Variants in TIPIN observed in about 807,000 individuals in gnomAD.
TIPIN encodes the protein TIMELESS interacting protein, also known as TIMELESS-interacting protein.
TIPIN carries 29 observed loss-of-function variants against 35.6 expected under a neutral mutation model. The ratio of observed to expected loss-of-function variants is 0.82; its 90% CI spans 0.61 to 1.11. The LOEUF is 1.11. TIPIN is among the 50% of genes most tolerant of loss of function. The probability of loss-of-function intolerance (pLI) is 0.00; values close to 1 mark genes in which losing one functional copy is unlikely to be tolerated. For synonymous variants in TIPIN, 102 were observed against 121.5 expected (o/e 0.84, Z 1.06); for missense variants, 296 against 345.4 (o/e 0.86, Z 1.13).
At chr15:66,371,520 T>A in intron 1 of TIPIN, 1 of 391,858 alleles carries the variant, frequency 2.6e-6, no homozygotes, top group Non-Finnish European at 3.4e-6. Flanking sequence ...AATTGTTTCT[T>A]TTTTTTTTTT....
intron 1 of TIPIN, chr15:66,379,393 A>G (rs1185039139): frequency 6.2e-7 from 1 of 1,600,318 alleles, no homozygotes; most frequent in Non-Finnish European, 8.5e-7. Context: ...CCATTCAAAA[A>G]TTTCCTGATA....
rs1253646242 is a variant in TIPIN at position 66,380,036 on chromosome 15, C to T, written c.-9+6571G>A. 3 of 463,020 alleles carry T rather than the reference C, an allele frequency of 6.5e-6. No homozygotes were observed. In the African/African-American group the frequency reaches 6.7e-5, roughly 10 times the overall value. The allele number at this position is 463,020 out of a possible 1,614,324, so 28.7% of individuals were successfully genotyped here. ...TTTTTTTTTGAGACGGAGTCTCGCTCTGTCACCCAGGCTGGAGTGCAGTGG... is the reference window on the plus strand; with the variant it reads ...TTTTTTTTTGAGACGGAGTCTCGCTTTGTCACCCAGGCTGGAGTGCAGTGG... On this transcript the variant is annotated intron_variant, in intron 1 of 7. Transcript: ENST00000562124.
At chr15:66,366,639 C>T (rs4473127) in intron 1 of TIPIN, among the ~76,000 whole-genome samples, 73,456 of 145,010 alleles carry the variant, frequency 0.51, 19,668 homozygotes, top group South Asian at 0.65. Context: ...TGGTGGCTTG[C>T]GCCTGTAGTC....
upstream of TIPIN, among the ~76,000 whole-genome samples, chr15:66,359,659 A>G (rs2093222952): frequency 6.6e-6 from 1 of 152,160 alleles, no homozygotes; most frequent in Non-Finnish European, 1.5e-5. Flanking sequence ...TAAAAGTTAC[A>G]TGAATTTGAA....
intron 1 of TIPIN, among the ~76,000 whole-genome samples, chr15:66,375,742 C>T (rs1021590442): frequency 2.7e-5 from 4 of 148,080 alleles, no homozygotes; most frequent in East Asian, 2.0e-4. Flanking sequence ...AGTTCCTCCC[C>T]GGAGACAAAC....
intron 1 of TIPIN, among the ~76,000 whole-genome samples, chr15:66,362,546 C>T (rs1282204880): frequency 6.6e-6 from 1 of 151,840 alleles, no homozygotes; most frequent in Non-Finnish European, 1.5e-5. Context: ...CATGGGGAAA[C>T]CCCATCTCGA....
intron 1 of TIPIN, among the ~76,000 whole-genome samples, chr15:66,368,000 A>AT (rs777984342): frequency 4.4e-4 from 66 of 151,104 alleles, no homozygotes; most frequent in Non-Finnish European, 8.7e-4. Context: ...TGGCTGACTA[A>AT]TTTTTGTATT....
At position 66,349,380 on chromosome 15, in the gene TIPIN, G is replaced by A; in HGVS notation, c.346C>T (p.Pro116Ser). 2 of 1,613,970 alleles carry A rather than the reference G, an allele frequency of 1.2e-6. No homozygotes were observed. The highest frequency in any genetic ancestry group is 1.7e-6 in the Non-Finnish European group (2 of 1,180,006). Residue 116 changes from proline to serine, a missense_variant, in exon 5 of 8, where the codon CCT becomes TCT. By Grantham distance (74) the Pro-to-Ser change is moderately conservative. Transcript: ENST00000261881. ...ATAAAATCCTCAAACTGCAGTTTAG[G>A]GAATAGCCTATGTGCCCAGTGCTCC... Reference protein sequence around the residue: ...HMEHWAHRLFPKLQFEDFIDR... With the variant: ...HMEHWAHRLFSKLQFEDFIDR...
intron 1 of TIPIN, among the ~76,000 whole-genome samples, chr15:66,373,538 A>T (rs1484109755): frequency 1.3e-5 from 2 of 152,004 alleles, no homozygotes; most frequent in African/African-American, 4.8e-5. Flanking sequence ...ATATACAGTC[A>T]TGTATATTTT....
At chr15:66,363,069 G>C (rs181018307) in intron 1 of TIPIN, among the ~76,000 whole-genome samples, 239 of 152,320 alleles carry the variant, frequency 1.6e-3, no homozygotes, top group Non-Finnish European at 2.8e-3. Context: ...GCAAATGATG[G>C]GGGGAAGATC....
intron 6 of TIPIN, chr15:66,347,182 TTAAAAG>T (rs774854780): frequency 1.0e-5 from 5 of 495,520 alleles, no homozygotes; most frequent in Admixed American, 6.3e-5. Context: ...TCCACATCTG[TTAAAAG>T]TTAAAAAACA....
intron 7 of TIPIN, among the ~76,000 whole-genome samples, 165 bp from the exon 8 acceptor site, chr15:66,337,346 G>A (rs1332691534): frequency 7.0e-6 from 1 of 143,282 alleles, no homozygotes; most frequent in Admixed American, 7.0e-5. Context: ...TTTTTTTTGA[G>A]ATGGAGTCTC....
intron 1 of TIPIN, among the ~76,000 whole-genome samples, chr15:66,381,691 A>G (rs975850750): frequency 1.3e-5 from 2 of 152,064 alleles, no homozygotes; most frequent in Admixed American, 1.3e-4. Context: ...TTACAAGAGA[A>G]TCATGGAAGT....
intron 1 of TIPIN, among the ~76,000 whole-genome samples, chr15:66,385,624 G>A (rs543575754): frequency 2.6e-4 from 39 of 152,046 alleles, no homozygotes; most frequent in Middle Eastern, 6.8e-3. Context: ...AAGTAGTTGG[G>A]ATTACAGGCA....
upstream of TIPIN, among the ~76,000 whole-genome samples, chr15:66,359,503 C>G (rs1264557894): frequency 6.6e-6 from 1 of 151,918 alleles, no homozygotes; most frequent in Non-Finnish European, 1.5e-5. Context: ...CACCACCATT[C>G]CCGGCTAATT....
At chr15:66,349,202 C>G (rs1566975156) in intron 5 of TIPIN, 79 bp from the exon 6 acceptor site, 10 of 1,597,444 alleles carry the variant, frequency 6.3e-6, no homozygotes, top group Non-Finnish European at 7.7e-6. Context: ...TTACTTTTCC[C>G]TCTCTACCAA....
intron 1 of TIPIN, chr15:66,383,092 A>G: frequency 1.7e-6 from 1 of 597,302 alleles, no homozygotes; most frequent in Non-Finnish European, 2.1e-6. Context: ...GCATAGAATC[A>G]TAATATTTCA....
chr15:66,356,689 C>G (rs1463431634), upstream of TIPIN: 1 of 985,426 alleles, frequency 1.0e-6, no homozygotes, highest in Non-Finnish European at 1.2e-6. Context: ...GCAGACTAAG[C>G]GCGCTTCTCG....
intron 1 of TIPIN, chr15:66,382,181 A>G (rs1056540705): frequency 2.1e-5 from 4 of 189,670 alleles, no homozygotes; most frequent in African/African-American, 4.8e-5. Flanking sequence ...TTTAATGCTC[A>G]TAACTATTTA....
Sources: allele counts gnomAD v4.1 joint callset (sites outside exome capture counted in the v4.1 genomes callset), GRCh38; gene constraint gnomAD v4.1.1; transcripts MANE v1.5; gene names NCBI Gene and HGNC (gene_info 2026-07-23, HGNC 2026-07-21).